RGS6: variants seen among roughly 807,000 people sequenced by gnomAD.
RGS6 encodes the protein regulator of G protein signaling 6, also known as regulator of G-protein signaling 6.
Under a neutral mutation model 78.5 loss-of-function variants are expected in RGS6, and 30 were observed. The ratio of observed to expected loss-of-function variants is 0.38; its 90% CI spans 0.29 to 0.52. The LOEUF (loss-of-function observed/expected upper bound fraction) is 0.52, where lower values mean the gene tolerates loss of function less well. RGS6 is among the 20% of genes least tolerant of loss of function. The probability of loss-of-function intolerance (pLI) is 0.85; values close to 1 mark genes in which losing one functional copy is unlikely to be tolerated. For synonymous variants in RGS6, 206 were observed against 206.0 expected (o/e 1.00, Z 0.00); for missense variants, 495 against 609.7 (o/e 0.81, Z 1.98).
At chr14:72,241,765 A>G (rs1026866451) in intron 2 of RGS6, among the ~76,000 whole-genome samples, 2 of 152,228 alleles carry the variant, frequency 1.3e-5, no homozygotes, top group Non-Finnish European at 2.9e-5. Flanking sequence ...CTAGAAATAT[A>G]AATTTTTTGC....
chr14:72,214,412 C>T (rs533273687), intron 2 of RGS6, among the ~76,000 whole-genome samples: 19 of 151,988 alleles, frequency 1.3e-4, no homozygotes, highest in Admixed American at 5.2e-4. Flanking sequence ...TCCTAGAATT[C>T]GTAACTTTCT....
rs189778827 is a variant in RGS6, at chr14:72,304,048, G to A, written c.85-48047G>A. ...CTCAACCTAACAGGTTTCACCTCCC[G>A]GCCAGCCCATGACATTAGTCACATC... On this transcript the variant is annotated intron_variant, in intron 2 of 17. Transcript: ENST00000553525. Among the ~76,000 whole-genome samples, 39 of 152,212 alleles carry A rather than the reference G, an allele frequency of 2.6e-4. 1 individual carries two copies. In the East Asian group the frequency reaches 7.1e-3, roughly 28 times the overall value.
At chr14:71,868,512 GACCAT>G in the RGS6 span, among the ~76,000 whole-genome samples, 1 of 152,140 alleles carries the variant, frequency 6.6e-6, no homozygotes, top group Non-Finnish European at 1.5e-5. Context: ...TTGTCCAGTT[GACCAT>G]ACTGTTTTAC....
chr14:72,257,596 T>A (rs985298928), intron 2 of RGS6, among the ~76,000 whole-genome samples: 1 of 152,192 alleles, frequency 6.6e-6, no homozygotes, highest in South Asian at 2.1e-4. Flanking sequence ...CTTACCATTA[T>A]GCAATATACC....
chr14:72,427,676 C>G (rs2153141755), intron 3 of RGS6, among the ~76,000 whole-genome samples: 1 of 152,208 alleles, frequency 6.6e-6, no homozygotes, highest in East Asian at 1.9e-4. Context: ...ACTTTGGCAC[C>G]TGGATCACAA....
Position 72,518,390 on chromosome 14 carries a change from A to T in RGS6, c.1131A>T (p.Leu377=), listed in dbSNP as rs545821943. The T allele has an allele frequency of 6.2e-6, 10 of 1,614,126 alleles. No individual in the cohort carries two copies. The African/African-American group carries it at 1.2e-4, about 19-fold the overall frequency. Residue 377 remains leucine, a synonymous_variant, in exon 15 of 18, where the codon CTA becomes CTT. Transcript: ENST00000553525. Reference sequence around the variant, plus strand: ...TCCAAGATCTTAAGAAACAACCCCTACAGGATGTGGCCAAGAGGGTAGAAG... The same window carrying T: ...TCCAAGATCTTAAGAAACAACCCCTTCAGGATGTGGCCAAGAGGGTAGAAG... ...LAVQDLKKQP[L]QDVAKRVEEI...
intron 2 of RGS6, among the ~76,000 whole-genome samples, chr14:72,060,705 C>T (rs987442919): frequency 3.9e-5 from 6 of 152,156 alleles, no homozygotes; most frequent in Non-Finnish European, 5.9e-5. Flanking sequence ...TTGCCAAGGA[C>T]GCATCAGCAG....
intron 2 of RGS6, among the ~76,000 whole-genome samples, chr14:72,237,059 C>T (rs2051269592): frequency 6.6e-6 from 1 of 152,090 alleles, no homozygotes; most frequent in South Asian, 2.1e-4. Context: ...GTATACAGTT[C>T]TAGAATCATA....
chr14:72,563,909 A>G lies in RGS6; in HGVS notation c.*1442A>G, dbSNP rs1166154857. ...TTTTTGGTCATAGGTAAAAAAAAAA[A>G]TCTCTCTTGGGAGCATATAAACAAA... On this transcript the variant is annotated 3_prime_UTR_variant, in exon 18 of 18. Coordinates refer to ENST00000553525, the MANE Select transcript of RGS6 (RefSeq NM_001204424.2). 6.6e-6 allele frequency: 1 copy of G among 152,032 alleles called. No homozygotes were observed. The highest frequency in any genetic ancestry group is 1.5e-5 in the Non-Finnish European group (1 of 67,988). 9.4% of individuals were successfully genotyped at this position (152,032 alleles called of 1,614,324 possible). A position where few individuals can be genotyped will look rare whatever the true frequency, so the allele number is the denominator to read the frequency against.
chr14:72,507,413 G>GT (rs1414462821), intron 13 of RGS6, among the ~76,000 whole-genome samples: 2 of 152,202 alleles, frequency 1.3e-5, no homozygotes, highest in Non-Finnish European at 2.9e-5. Flanking sequence ...AATTTCTGCT[G>GT]TTTTAAGCCA....
the RGS6 span, among the ~76,000 whole-genome samples, chr14:71,899,704 A>G: frequency 6.6e-6 from 1 of 152,132 alleles, no homozygotes; most frequent in South Asian, 2.1e-4. Flanking sequence ...GGAATACAAG[A>G]TTTTCTCTTC....
chr14:72,259,447 T>G (rs1170233374), intron 2 of RGS6, among the ~76,000 whole-genome samples: 1 of 152,122 alleles, frequency 6.6e-6, no homozygotes, highest in African/African-American at 2.4e-5. Flanking sequence ...TACAGCATCC[T>G]TGTAGTAGGC....
intron 14 of RGS6, among the ~76,000 whole-genome samples, chr14:72,512,090 C>T (rs1344385479): frequency 6.6e-6 from 1 of 152,170 alleles, no homozygotes; most frequent in African/African-American, 2.4e-5. Context: ...TGAGCCACCC[C>T]TGGGAGTCCT....
intron 2 of RGS6, among the ~76,000 whole-genome samples, chr14:71,972,376 A>G (rs1382230022): frequency 1.3e-5 from 2 of 151,582 alleles, no homozygotes; most frequent in Non-Finnish European, 2.9e-5. Context: ...GTACCCTAGA[A>G]CTCCTTTAAA....
At chr14:72,078,419 CT>C (rs202172431) in intron 2 of RGS6, among the ~76,000 whole-genome samples, 17 of 148,156 alleles carry the variant, frequency 1.1e-4, no homozygotes, top group Admixed American at 1.4e-4. Context: ...TTCTTTCTTT[CT>C]TTTTTTTTTA....
chr14:72,235,310 A>T (rs2050732043), intron 2 of RGS6, among the ~76,000 whole-genome samples: 1 of 152,198 alleles, frequency 6.6e-6, no homozygotes, highest in Admixed American at 6.5e-5. Context: ...TGAAAATCAG[A>T]CAAAAACTCA....
upstream of RGS6, among the ~76,000 whole-genome samples, chr14:71,930,497 T>A (rs547162059): frequency 1.4e-4 from 21 of 152,322 alleles, 1 homozygote; most frequent in Non-Finnish European, 2.8e-4. Context: ...AGGAATCCCA[T>A]ATAATACACA....
At chr14:72,165,316 G>A (rs954437810) in intron 2 of RGS6, among the ~76,000 whole-genome samples, 1 of 152,244 alleles carries the variant, frequency 6.6e-6, no homozygotes, top group Non-Finnish European at 1.5e-5. Flanking sequence ...GGATTTGCTT[G>A]TGGGGAACAG....
chr14:72,471,761 T>C (rs72726143), intron 8 of RGS6, among the ~76,000 whole-genome samples: 3,981 of 152,230 alleles, frequency 0.026, 74 homozygotes, highest in Non-Finnish European at 0.045. Flanking sequence ...AGGCACTGGG[T>C]GCCCCCGAAG....
Sources: gnomAD v4.1 joint callset for allele counts (sites outside exome capture counted in the v4.1 genomes callset) on GRCh38, gnomAD v4.1.1 for gene constraint, MANE v1.5 for transcripts, NCBI Gene and HGNC (gene_info 2026-07-23, HGNC 2026-07-21) for gene names.